The following ADGRB3 variants were observed in gnomAD, a reference collection of about 807,000 sequenced individuals.
The protein encoded by ADGRB3 is adhesion G protein-coupled receptor B3.
A neutral mutation model predicts 193.4 loss-of-function variants in ADGRB3; 37 were observed. That is an observed-to-expected ratio of 0.19 (90% CI 0.15 to 0.25). The LOEUF is 0.25. Ranked by LOEUF, ADGRB3 falls within the 10% of genes least tolerant of loss-of-function variation. The probability of loss-of-function intolerance (pLI) is 1.00; values close to 1 mark genes in which losing one functional copy is unlikely to be tolerated. For synonymous variants in ADGRB3, 690 were observed against 644.2 expected (o/e 1.07, Z -1.08); for missense variants, 1,637 against 1,852.9 (o/e 0.88, Z 2.14).
chr6:69,119,290 A>G (rs921534442), intron 17 of ADGRB3, among the ~76,000 whole-genome samples: 2 of 150,982 alleles, frequency 1.3e-5, no homozygotes, highest in Admixed American at 1.3e-4. Flanking sequence ...TGAATTATTC[A>G]TTCATTCAGC....
At chr6:68,843,824 C>A (rs1344391869) in intron 3 of ADGRB3, among the ~76,000 whole-genome samples, 1 of 152,054 alleles carries the variant, frequency 6.6e-6, no homozygotes, top group South Asian at 2.1e-4. Context: ...TAAAAACAGA[C>A]ACATAGACCA....
intron 20 of ADGRB3, among the ~76,000 whole-genome samples, chr6:69,319,720 A>G (rs1487449827): frequency 6.6e-6 from 1 of 151,288 alleles, no homozygotes; most frequent in African/African-American, 2.4e-5. Context: ...TTCTCCCAAT[A>G]CTAACATTGT....
At chr6:69,207,020 C>A (rs1297024117) in intron 17 of ADGRB3, among the ~76,000 whole-genome samples, 1 of 152,174 alleles carries the variant, frequency 6.6e-6, no homozygotes, top group Non-Finnish European at 1.5e-5. Context: ...TTCCTGACCT[C>A]CACTGTGGAG....
chr6:68,879,064 G>C lies in ADGRB3; in HGVS notation c.758-51495G>C, dbSNP rs1329485213. On this transcript the variant is annotated intron_variant, in intron 3 of 31. Transcript: ENST00000370598. Reference sequence around the variant, plus strand: ...AAGATGAGATTTGGGTGGGGACACAGAGCCAAACCATATCATGGCATAAGC... The same window carrying C: ...AAGATGAGATTTGGGTGGGGACACACAGCCAAACCATATCATGGCATAAGC... Among the ~76,000 whole-genome samples, 3 of 152,078 alleles carry C rather than the reference G, an allele frequency of 2.0e-5. No individual in the cohort carries two copies. The East Asian group carries it at 5.8e-4, about 29-fold the overall frequency.
At chr6:69,233,591 T>C (rs1766200423) in intron 18 of ADGRB3, among the ~76,000 whole-genome samples, 175 bp downstream of exon 18, 1 of 152,250 alleles carries the variant, frequency 6.6e-6, no homozygotes, top group African/African-American at 2.4e-5. Context: ...GTTGGTATTC[T>C]ATAACTAAAT....
chr6:69,197,412 A>G (rs545514860), intron 17 of ADGRB3, among the ~76,000 whole-genome samples: 1 of 111,386 alleles, frequency 9.0e-6, no homozygotes, highest in South Asian at 2.2e-4. Flanking sequence ...TGATTACTAA[A>G]GACTTTTTTT....
At chr6:69,180,303 G>A (rs1775545502) in intron 17 of ADGRB3, among the ~76,000 whole-genome samples, 1 of 152,222 alleles carries the variant, frequency 6.6e-6, no homozygotes, top group South Asian at 2.1e-4. Context: ...TGAATGGTTG[G>A]AGATCTGCCT....
At chr6:68,935,687 G>A (rs961509004) in intron 4 of ADGRB3, among the ~76,000 whole-genome samples, 6 of 151,920 alleles carry the variant, frequency 3.9e-5, no homozygotes, top group African/African-American at 7.3e-5. Context: ...AGTGTATTTC[G>A]TTGGTCATAG....
At chr6:69,000,197 A>G (rs1256018915) in intron 11 of ADGRB3, among the ~76,000 whole-genome samples, 1 of 151,684 alleles carries the variant, frequency 6.6e-6, no homozygotes, top group Admixed American at 6.6e-5. Context: ...TGTAAAAAAA[A>G]GAAACAAAGA....
chr6:68,651,924 T>G (rs528935667), intron 3 of ADGRB3, among the ~76,000 whole-genome samples: 3 of 152,124 alleles, frequency 2.0e-5, no homozygotes, highest in Non-Finnish European at 4.4e-5. Context: ...TGTTTTCAAT[T>G]TTATGGTCAC....
At chr6:68,733,661 A>G (rs1445262051) in intron 3 of ADGRB3, among the ~76,000 whole-genome samples, 1 of 48,812 alleles carries the variant, frequency 2.0e-5, no homozygotes, top group East Asian at 8.1e-4. Context: ...TGGGAAGGCT[A>G]GTGGGGTTTG....
rs536276144 is a variant in ADGRB3 at position 69,234,971 on chromosome 6, A to G, written c.2608-61A>G. On this transcript the variant is annotated intron_variant, in intron 18 of 31. Transcript: ENST00000370598. ...GTGATAGGTTAGCTTTGCTGAGTCT[A>G]GAAGTTATTTTAATTTATTAAAAAC... The G allele has an allele frequency of 7.5e-6, 10 of 1,335,058 alleles. No homozygotes were observed. In the African/African-American group the frequency reaches 1.2e-4, roughly 16 times the overall value. The allele number at this position is 1,335,058 out of a possible 1,614,324, so 82.7% of individuals were successfully genotyped here. A position where few individuals can be genotyped will look rare whatever the true frequency, so the allele number is the denominator to read the frequency against.
At chr6:69,046,035 A>G (rs1325532307) in intron 13 of ADGRB3, among the ~76,000 whole-genome samples, 1 of 152,156 alleles carries the variant, frequency 6.6e-6, no homozygotes, top group Non-Finnish European at 1.5e-5. Flanking sequence ...ATTTATGAAT[A>G]TGGTATTAGA....
At chr6:68,820,311 A>T (rs1323376951) in intron 3 of ADGRB3, among the ~76,000 whole-genome samples, 1 of 151,762 alleles carries the variant, frequency 6.6e-6, no homozygotes, top group Non-Finnish European at 1.5e-5. Context: ...TACCTTCATT[A>T]CACTAATTTT....
intron 10 of ADGRB3, among the ~76,000 whole-genome samples, chr6:68,985,091 G>C (rs1303429856): frequency 6.6e-6 from 1 of 151,644 alleles, no homozygotes; most frequent in Non-Finnish European, 1.5e-5. Context: ...CTGAAATACA[G>C]AATTTAGAGT....
At chr6:69,232,257 G>C (rs1766157305) in intron 17 of ADGRB3, 1 of 437,238 alleles carries the variant, frequency 2.3e-6, no homozygotes, top group Admixed American at 4.4e-5. Context: ...TTGATTGGTT[G>C]AGCTCTATAG....
chr6:69,023,770 A>G (rs1390729268), intron 13 of ADGRB3, among the ~76,000 whole-genome samples: 2 of 152,096 alleles, frequency 1.3e-5, no homozygotes, highest in Non-Finnish European at 2.9e-5. Flanking sequence ...TTTTAATAGT[A>G]ATTCATGCAG....
intron 3 of ADGRB3, among the ~76,000 whole-genome samples, chr6:68,799,122 T>C (rs1767266451): frequency 6.6e-6 from 1 of 150,822 alleles, no homozygotes; most frequent in African/African-American, 2.4e-5. Flanking sequence ...GGGGAGGGAG[T>C]ACACATTTAG....
chr6:68,898,532 T>C (rs535418478), intron 3 of ADGRB3, among the ~76,000 whole-genome samples: 13 of 152,250 alleles, frequency 8.5e-5, no homozygotes, highest in African/African-American at 2.4e-4. Flanking sequence ...CTTCAGAGTA[T>C]TTGCTTTGAG....
Sources: gnomAD v4.1 joint callset for allele counts (sites outside exome capture counted in the v4.1 genomes callset) on GRCh38, gnomAD v4.1.1 for gene constraint, MANE v1.5 for transcripts, NCBI Gene and HGNC (gene_info 2026-07-23, HGNC 2026-07-21) for gene names.